TMEM132B: variants seen among roughly 807,000 people sequenced by gnomAD.
TMEM132B encodes the protein transmembrane protein 132B.
A neutral mutation model predicts 90.8 loss-of-function variants in TMEM132B; 18 were observed. The ratio of observed to expected loss-of-function variants is 0.20; its 90% CI spans 0.14 to 0.29. TMEM132B has a LOEUF of 0.29. Among genes scored for constraint, TMEM132B ranks in the 10% least tolerant of loss-of-function variants. The pLI is 1.00. For synonymous variants in TMEM132B, 504 were observed against 523.3 expected (o/e 0.96, Z 0.50); for missense variants, 1,096 against 1,326.8 (o/e 0.83, Z 2.70).
chr12:125,574,313 G>C (rs1315844156), intron 4 of TMEM132B, among the ~76,000 whole-genome samples: 1 of 152,100 alleles, frequency 6.6e-6, no homozygotes, highest in Non-Finnish European at 1.5e-5. Flanking sequence ...TTGTATGAGA[G>C]CTATTATTAT....
intron 5 of TMEM132B, among the ~76,000 whole-genome samples, chr12:125,614,690 G>C (rs1885945467): frequency 6.6e-6 from 1 of 152,114 alleles, no homozygotes; most frequent in Admixed American, 6.5e-5. Context: ...AATTAGTCCA[G>C]CCCTTGTGGA....
At chr12:125,433,507 CTTTTT>C (rs540659092) in intron 3 of TMEM132B, among the ~76,000 whole-genome samples, 2 of 140,156 alleles carry the variant, frequency 1.4e-5, no homozygotes, top group Non-Finnish European at 3.1e-5. Flanking sequence ...TTTGTATTTT[CTTTTT>C]TTTTTTTTGT....
At chr12:125,287,478 T>C (rs1432628065) in intron 1 of TMEM132B, among the ~76,000 whole-genome samples, 1 of 152,168 alleles carries the variant, frequency 6.6e-6, no homozygotes, top group Non-Finnish European at 1.5e-5. Context: ...AAAGGTACCA[T>C]TTCCAAGCTT....
At chr12:125,602,943 C>T (rs1002705581) in intron 5 of TMEM132B, among the ~76,000 whole-genome samples, 1 of 152,154 alleles carries the variant, frequency 6.6e-6, no homozygotes, top group African/African-American at 2.4e-5. Flanking sequence ...CTACAAACCA[C>T]TGCTCAAGGA....
intron 6 of TMEM132B, among the ~76,000 whole-genome samples, chr12:125,646,617 A>C (rs556826660): frequency 6.6e-6 from 1 of 152,210 alleles, no homozygotes; most frequent in Admixed American, 6.5e-5. Context: ...CCACAGTGCC[A>C]GGGGAACAAA....
At chr12:125,466,478 C>A (rs1190539693) in intron 3 of TMEM132B, among the ~76,000 whole-genome samples, 1 of 152,224 alleles carries the variant, frequency 6.6e-6, no homozygotes, top group Admixed American at 6.5e-5. Context: ...TTTCTATGTG[C>A]CCCTCTGTGA....
chr12:125,580,897 G>A (rs1034753161), intron 4 of TMEM132B, among the ~76,000 whole-genome samples: 12 of 152,132 alleles, frequency 7.9e-5, no homozygotes, highest in Admixed American at 4.6e-4. Flanking sequence ...GATAGGTTAG[G>A]AATTTTTAGC....
intron 1 of TMEM132B, among the ~76,000 whole-genome samples, chr12:125,271,345 C>T (rs576441532): frequency 2.7e-4 from 41 of 152,238 alleles, no homozygotes; most frequent in Admixed American, 2.2e-3. Context: ...TCTAGCACAC[C>T]GTGATCTTCA....
At chr12:125,543,534 C>T (rs1178634289) in intron 4 of TMEM132B, among the ~76,000 whole-genome samples, 1 of 152,164 alleles carries the variant, frequency 6.6e-6, no homozygotes, top group Non-Finnish European at 1.5e-5. Flanking sequence ...ATCCTGGAGC[C>T]AATCTTATGC....
At chr12:125,606,295 G>A (rs1885693840) in intron 5 of TMEM132B, among the ~76,000 whole-genome samples, 1 of 150,734 alleles carries the variant, frequency 6.6e-6, no homozygotes. Flanking sequence ...AATTAGCAGG[G>A]CAAGGACTGA....
intron 1 of TMEM132B, among the ~76,000 whole-genome samples, chr12:125,199,175 C>T (rs183202818): frequency 6.1e-4 from 93 of 152,250 alleles, no homozygotes; most frequent in Non-Finnish European, 1.0e-3. Flanking sequence ...GGCACATACA[C>T]GGCATCGTAT....
chr12:125,239,796 G>A (rs1213624872), intron 1 of TMEM132B, among the ~76,000 whole-genome samples: 1 of 152,248 alleles, frequency 6.6e-6, no homozygotes. Context: ...AGGCCCCACT[G>A]CCTGCTCATG....
intron 1 of TMEM132B, among the ~76,000 whole-genome samples, chr12:125,284,764 G>A (rs1192521866): frequency 6.6e-6 from 1 of 152,042 alleles, no homozygotes; most frequent in East Asian, 1.9e-4. Flanking sequence ...ACAATTTATT[G>A]GCCAATGTAG....
At chr12:125,457,959 G>A (rs1423515541) in intron 3 of TMEM132B, among the ~76,000 whole-genome samples, 1 of 152,204 alleles carries the variant, frequency 6.6e-6, no homozygotes, top group Non-Finnish European at 1.5e-5. Flanking sequence ...AAGGCCTGCT[G>A]TGGTCACAAT....
In TMEM132B at chr12:125,277,530, T is replaced by TAC. The variant is rs1172207645; in HGVS notation, c.68-71911_68-71910dup. 4.5e-5 allele frequency among the ~76,000 whole-genome samples: 4 copies of TAC among 89,314 alleles called. No homozygotes were observed. The highest frequency in any genetic ancestry group is 5.6e-4 in the East Asian group (2 of 3,590). 58.6% of individuals were successfully genotyped at this position (89,314 alleles called of 152,430 possible). ...ACACACACACACACACACACACACA[T>TAC]ACACACACACACGGGAAGGCCATGT... On this transcript the variant is annotated intron_variant, in intron 1 of 8. Coordinates refer to ENST00000682704, the MANE Select transcript of TMEM132B (RefSeq NM_001366854.1). The surrounding 1 kb of genome is among the most constrained non-coding windows in gnomAD (Gnocchi z 4.3).
intron 2 of TMEM132B, among the ~76,000 whole-genome samples, chr12:125,399,483 A>G (rs2218663): frequency 0.27 from 18,441 of 68,068 alleles, 1,417 homozygotes; most frequent in East Asian, 0.39. Context: ...GTGTGTGTGT[A>G]TGTGTGTGTG....
chr12:125,645,239 A>AG, intron 6 of TMEM132B, among the ~76,000 whole-genome samples: 1 of 151,442 alleles, frequency 6.6e-6, no homozygotes, highest in East Asian at 1.9e-4. Flanking sequence ...AAAAAAAAAA[A>AG]AAGTCTCCCT....
chr12:125,599,995 A>G (rs552257520), intron 5 of TMEM132B, among the ~76,000 whole-genome samples: 25 of 152,270 alleles, frequency 1.6e-4, no homozygotes, highest in African/African-American at 5.3e-4. Flanking sequence ...GGAGGCGACA[A>G]TGGGTGGACA....
intron 5 of TMEM132B, among the ~76,000 whole-genome samples, chr12:125,593,969 C>T (rs1885378806): frequency 6.6e-6 from 1 of 152,140 alleles, no homozygotes; most frequent in Non-Finnish European, 1.5e-5. Flanking sequence ...TTGACGATTT[C>T]ATGAGTGTGA....
Sources: gnomAD v4.1 joint callset for allele counts (sites outside exome capture counted in the v4.1 genomes callset) on GRCh38, gnomAD v4.1.1 for gene constraint, Gnocchi (gnomAD v3.1) non-coding constraint, MANE v1.5 for transcripts, NCBI Gene and HGNC (gene_info 2026-07-23, HGNC 2026-07-21) for gene names.